Variants in PRKN observed in about 807,000 individuals in gnomAD.
PRKN encodes parkin RBR E3 ubiquitin protein ligase.
A neutral mutation model predicts 59.5 loss-of-function variants in PRKN; 56 were observed. The ratio of observed to expected loss-of-function variants is 0.94; its 90% confidence interval spans 0.76 to 1.18. The LOEUF is 1.18. PRKN is among the 50% of genes most tolerant of loss of function. The pLI is 0.00. For missense variants in PRKN, 657 were observed against 596.4 expected (o/e 1.10, Z -1.06); for synonymous variants, 250 against 222.1 (o/e 1.13, Z -1.12).
intron 7 of PRKN, among the ~76,000 whole-genome samples, chr6:161,671,285 C>T (rs1784900055): frequency 6.6e-6 from 1 of 152,112 alleles, no homozygotes; most frequent in African/African-American, 2.4e-5. Context: ...GCTGACGTGA[C>T]AGTCTGAATG....
intron 9 of PRKN, among the ~76,000 whole-genome samples, chr6:161,437,454 C>G (rs1447256164): frequency 1.3e-5 from 2 of 152,160 alleles, no homozygotes; most frequent in African/African-American, 4.8e-5. Flanking sequence ...ATCTTCGGGC[C>G]TCGGTTGACT....
At chr6:162,575,714 G>T (rs1361027935) in intron 1 of PRKN, among the ~76,000 whole-genome samples, 1 of 152,028 alleles carries the variant, frequency 6.6e-6, no homozygotes, top group Non-Finnish European at 1.5e-5. Context: ...TAAAAGAATG[G>T]CCAGGGCTAC....
intron 5 of PRKN, among the ~76,000 whole-genome samples, chr6:162,038,164 C>A (rs551510946): frequency 2.3e-3 from 354 of 151,696 alleles, no homozygotes; most frequent in Non-Finnish European, 4.2e-3. Flanking sequence ...ATATAAAATG[C>A]AAATTAAGTA....
chr6:162,649,817 G>C (rs151097096), intron 1 of PRKN, among the ~76,000 whole-genome samples: 1 of 152,186 alleles, frequency 6.6e-6, no homozygotes, highest in Non-Finnish European at 1.5e-5. Flanking sequence ...TGATTAAGCC[G>C]AGCAGGGCTG....
intron 6 of PRKN, among the ~76,000 whole-genome samples, chr6:161,896,031 C>A (rs1333585506): frequency 1.3e-5 from 2 of 152,162 alleles, no homozygotes; most frequent in Non-Finnish European, 2.9e-5. Flanking sequence ...AAGGGAAAAT[C>A]CCCTCAGCAG....
intron 9 of PRKN, among the ~76,000 whole-genome samples, chr6:161,479,987 C>G (rs1467093790): frequency 1.3e-5 from 2 of 152,232 alleles, no homozygotes; most frequent in Non-Finnish European, 2.9e-5. Context: ...AGGGCCAGCA[C>G]ACAATTCCTT....
chr6:162,594,873 A>G (rs990319736), intron 1 of PRKN, among the ~76,000 whole-genome samples: 4 of 152,146 alleles, frequency 2.6e-5, no homozygotes, highest in Non-Finnish European at 5.9e-5. Flanking sequence ...TCTCTGAATA[A>G]TCTTTCAGAA....
At position 162,015,343 on chromosome 6, in the gene PRKN, G is replaced by A. The variant is rs80023245; in HGVS notation, c.618+38748C>T. 2.7e-3 allele frequency among the ~76,000 whole-genome samples: 410 copies of A among 152,248 alleles called. 7 individuals carry two copies. The highest frequency in any genetic ancestry group is 9.7e-3 in the African/African-American group (403 of 41,540). On this transcript the variant is annotated intron_variant, in intron 5 of 11. Coordinates refer to ENST00000366898, the MANE Select transcript of PRKN (RefSeq NM_004562.3). ...CCTCAATTGCAGTAACAAGTATATG[G>A]GCTAAGGATGATGATCAGAAACTAG... is the stretch of plus-strand genomic sequence containing the variant.
At chr6:162,608,140 A>G (rs553524430) in intron 1 of PRKN, among the ~76,000 whole-genome samples, 3 of 152,344 alleles carry the variant, frequency 2.0e-5, no homozygotes, top group South Asian at 4.1e-4. Flanking sequence ...GGCCTACTCT[A>G]ACACAGAGCA....
At chr6:162,376,874 G>A (rs528358174) in intron 2 of PRKN, among the ~76,000 whole-genome samples, 3 of 123,690 alleles carry the variant, frequency 2.4e-5, no homozygotes, top group East Asian at 6.1e-4. Context: ...GGGAGGAAGA[G>A]GGGGAGAGGG....
At chr6:161,671,794 C>T (rs756098656) in intron 7 of PRKN, among the ~76,000 whole-genome samples, 13 of 152,160 alleles carry the variant, frequency 8.5e-5, no homozygotes, top group South Asian at 2.1e-4. Context: ...GAATAAACAA[C>T]GCTGTGTTCA....
chr6:162,568,957 G>T, intron 1 of PRKN: 3 of 666,760 alleles, frequency 4.5e-6, no homozygotes, highest in Non-Finnish European at 8.2e-6. Context: ...CAGCTGGAAG[G>T]GCTGGCTGAC....
chr6:162,088,471 T>C (rs112517985), intron 4 of PRKN, among the ~76,000 whole-genome samples: 4 of 152,206 alleles, frequency 2.6e-5, no homozygotes, highest in Admixed American at 6.5e-5. Context: ...CTTAAGATAA[T>C]TGCATTTATT....
At chr6:162,487,777 T>C (rs764720211) in intron 1 of PRKN, among the ~76,000 whole-genome samples, 3 of 152,082 alleles carry the variant, frequency 2.0e-5, no homozygotes, top group Non-Finnish European at 2.9e-5. Flanking sequence ...GCAAAACTGT[T>C]TTATAAAATA....
chr6:162,437,098 AAT>A lies in PRKN; in HGVS notation c.171+6210_171+6211del, dbSNP rs397886431. ...CAGAGCGAGACTCTGTCTCAAAAAA[AAT>A]AAATAAATAAATAAAAAAAGGCTTC... On this transcript the variant is annotated intron_variant, in intron 2 of 11. Transcript: ENST00000366898. 1.7e-3 allele frequency among the ~76,000 whole-genome samples: 229 copies of A among 137,936 alleles called. 1 individual carries two copies. The highest frequency in any genetic ancestry group is 6.3e-3 in the African/African-American group (223 of 35,352). 90.5% of individuals were successfully genotyped at this position (137,936 alleles called of 152,430 possible).
intron 3 of PRKN, among the ~76,000 whole-genome samples, chr6:162,217,676 G>A (rs1777742993): frequency 1.3e-5 from 2 of 152,124 alleles, no homozygotes; most frequent in South Asian, 2.1e-4. Context: ...ACAGGCATGA[G>A]CCACCATGCC....
In PRKN at chr6:162,560,733, T is replaced by A. The variant is rs574719180; in HGVS notation, c.8-117260A>T. 7.9e-5 allele frequency among the ~76,000 whole-genome samples: 12 copies of A among 151,514 alleles called. No individual in the cohort carries two copies. In the South Asian group the frequency reaches 2.5e-3, roughly 32 times the overall value. On this transcript the variant is annotated intron_variant, in intron 1 of 11. Coordinates refer to ENST00000366898, the MANE Select transcript of PRKN (RefSeq NM_004562.3). ...AAATTTGCAAAATGTGGCAAAAATA[T>A]CCATTGCCAACATATATTCATTCAA...
In PRKN at chr6:161,857,342, T is replaced by A. The variant is rs1354013169; in HGVS notation, c.735-71434A>T. ...TGAAAGCAGCCACAGACAATGCATA[T>A]GAGTAGGGTTGCATTTCAATACAAC... On this transcript the variant is annotated intron_variant, in intron 6 of 11. Transcript: ENST00000366898. Among the ~76,000 whole-genome samples, 82 of 152,322 alleles carry A rather than the reference T, an allele frequency of 5.4e-4. 1 individual carries two copies. Among genetic ancestry groups the A allele is most frequent in the Non-Finnish European group, 3.1e-4 (21 of 68,032 alleles).
At chr6:162,154,395 T>C (rs1268736346) in intron 4 of PRKN, among the ~76,000 whole-genome samples, 1 of 152,166 alleles carries the variant, frequency 6.6e-6, no homozygotes, top group Non-Finnish European at 1.5e-5. Context: ...TTCATTTCAA[T>C]TCAGTCCCCA....
Sources: allele counts gnomAD v4.1 joint callset (sites outside exome capture counted in the v4.1 genomes callset), GRCh38; gene constraint gnomAD v4.1.1; transcripts MANE v1.5; gene names NCBI Gene and HGNC (gene_info 2026-07-23, HGNC 2026-07-21).